The following ADAM12 variants were observed in gnomAD, a reference collection of about 807,000 sequenced individuals.
The protein encoded by ADAM12 is disintegrin and metalloproteinase domain-containing protein 12.
ADAM12 carries 70 observed loss-of-function variants against 106.4 expected under a neutral mutation model. The ratio of observed to expected loss-of-function variants is 0.66; its 90% CI spans 0.54 to 0.80. The LOEUF (loss-of-function observed/expected upper bound fraction) is 0.80, where lower values mean the gene tolerates loss of function less well. Among genes scored for constraint, ADAM12 ranks in the 30% least tolerant of loss-of-function variants. The pLI, the probability that ADAM12 is intolerant of heterozygous loss-of-function variation, is 0.00. For missense variants in ADAM12, 1,010 were observed against 1,171.9 expected (o/e 0.86, Z 2.02); for synonymous variants, 420 against 433.5 (o/e 0.97, Z 0.39).
chr10:126,107,988 C>T (rs997865665), intron 8 of ADAM12, among the ~76,000 whole-genome samples: 2 of 152,100 alleles, frequency 1.3e-5, no homozygotes, highest in Non-Finnish European at 2.9e-5. Context: ...GAACAAGTAC[C>T]CCAGGAGTAG....
At chr10:126,133,660 G>T in intron 5 of ADAM12, among the ~76,000 whole-genome samples, 1 of 152,138 alleles carries the variant, frequency 6.6e-6, no homozygotes, top group East Asian at 1.9e-4. Flanking sequence ...CACTGGGGGG[G>T]AGGCCAAAGG....
intron 3 of ADAM12, among the ~76,000 whole-genome samples, chr10:126,261,502 G>A (rs536822740): frequency 5.2e-4 from 79 of 152,230 alleles, no homozygotes; most frequent in African/African-American, 1.9e-3. Flanking sequence ...ACCCTATAGT[G>A]AGTATTTGTT....
intron 3 of ADAM12, among the ~76,000 whole-genome samples, chr10:126,163,679 G>A (rs916813930): frequency 6.6e-5 from 10 of 152,206 alleles, no homozygotes; most frequent in Middle Eastern, 3.4e-3. Context: ...GAAACCCCCC[G>A]GCCCCAGAAG....
chr10:126,071,556 ACT>A lies in ADAM12; in HGVS notation c.1242_1243del (p.Glu414AspfsTer22), dbSNP rs775947854. On this transcript the variant is annotated frameshift_variant, in exon 12 of 23. Transcript: ENST00000448723. LOFTEE classifies it high-confidence loss of function. ...CTTCTGGCCCCCGAAAGACTCCCTGACTTCCGGCAGGTTAAACAGGCACACCC... is the reference window on the plus strand; with the variant it reads ...CTTCTGGCCCCCGAAAGACTCCCTGATCCGGCAGGTTAAACAGGCACACCC... 6.2e-7 allele frequency: 1 copy of A among 1,614,076 alleles called. No individual in the cohort carries two copies. Among genetic ancestry groups the A allele is most frequent in the Middle Eastern group, 1.6e-4 (1 of 6,062 alleles).
chr10:126,243,484 A>T (rs10901571), intron 3 of ADAM12, among the ~76,000 whole-genome samples: 82,891 of 137,080 alleles, frequency 0.6, 23,325 homozygotes, highest in South Asian at 0.72. Context: ...TGTGTGTGTG[A>T]GTGTATGTGT....
chr10:126,231,172 T>A (rs754478646), intron 3 of ADAM12, among the ~76,000 whole-genome samples: 2 of 152,232 alleles, frequency 1.3e-5, no homozygotes, highest in Non-Finnish European at 2.9e-5. Flanking sequence ...GTTTTAAAAA[T>A]GATTTCTTCA....
Position 126,324,475 on chromosome 10 carries a change from C to T in ADAM12, c.186+5937G>A, listed in dbSNP as rs567915519. Among the ~76,000 whole-genome samples the T allele has an allele frequency of 6.6e-5, 10 of 152,256 alleles. No individual in the cohort carries two copies. In the East Asian group the frequency reaches 1.9e-3, roughly 29 times the overall value. On this transcript the variant is annotated intron_variant, in intron 2 of 22. Transcript: ENST00000448723. ...GTCCCATGGGCATCATGCTAAGAAG[C>T]CTGGCTTTGAATTCAGGTGTCATCC...
intron 11 of ADAM12, among the ~76,000 whole-genome samples, chr10:126,075,160 G>C (rs139068829): frequency 6.6e-6 from 1 of 152,168 alleles, no homozygotes; most frequent in African/African-American, 2.4e-5. Flanking sequence ...TATTGTTCAA[G>C]AACTTACTTT....
intron 5 of ADAM12, among the ~76,000 whole-genome samples, chr10:126,126,193 C>A (rs985327066): frequency 6.6e-6 from 1 of 152,104 alleles, no homozygotes; most frequent in African/African-American, 2.4e-5. Flanking sequence ...GGTCACTTGC[C>A]CTCATCAGAC....
rs1419643616 is a variant in ADAM12 at position 126,014,215 on chromosome 10, G to A, written c.*3064C>T. 6.6e-6 allele frequency: 1 copy of A among 152,092 alleles called. No homozygotes were observed. Among genetic ancestry groups the A allele is most frequent in the Non-Finnish European group, 1.5e-5 (1 of 68,210 alleles). 9.4% of individuals were successfully genotyped at this position (152,092 alleles called of 1,614,324 possible). A position where few individuals can be genotyped will look rare whatever the true frequency, so the allele number is the denominator to read the frequency against. On this transcript the variant is annotated 3_prime_UTR_variant, in exon 23 of 23. Coordinates refer to ENST00000448723, the MANE Select transcript of ADAM12 (RefSeq NM_001288973.2). ...GTAAACATCAGTGGCGAGGGGGCAG[G>A]AGGATGCTCAGCCCTGCCAGTCGGC... is the stretch of plus-strand genomic sequence containing the variant.
intron 3 of ADAM12, among the ~76,000 whole-genome samples, chr10:126,179,056 AAAGAAAAAAAAAAG>A (rs1160136203): frequency 6.6e-6 from 1 of 152,064 alleles, no homozygotes; most frequent in African/African-American, 2.4e-5. Context: ...TTAAAAAAAG[AAAGAAAAAAAAAAG>A]AAGAAAAAGA....
chr10:126,347,319 T>A (rs1855180292), intron 1 of ADAM12, among the ~76,000 whole-genome samples: 1 of 152,214 alleles, frequency 6.6e-6, no homozygotes, highest in Admixed American at 6.5e-5. Context: ...GGGTTGAAAA[T>A]TCTTCTCTTT....
chr10:126,123,195 C>T (rs946910042), intron 5 of ADAM12, among the ~76,000 whole-genome samples: 4 of 152,168 alleles, frequency 2.6e-5, no homozygotes, highest in African/African-American at 9.7e-5. Flanking sequence ...ACAGTGGACA[C>T]AAAATTGAAG....
intron 3 of ADAM12, among the ~76,000 whole-genome samples, chr10:126,185,739 T>C (rs1346920984): frequency 2.6e-5 from 4 of 152,008 alleles, no homozygotes; most frequent in African/African-American, 9.7e-5. Flanking sequence ...CAATGCACAG[T>C]GGCTGGAGCT....
chr10:126,132,968 T>G (rs1956335159), intron 5 of ADAM12, among the ~76,000 whole-genome samples: 1 of 152,112 alleles, frequency 6.6e-6, no homozygotes, highest in African/African-American at 2.4e-5. Context: ...TCTTTAATCC[T>G]CTACTGACCC....
chr10:126,163,548 G>T (rs1177573104), intron 3 of ADAM12, among the ~76,000 whole-genome samples: 1 of 152,172 alleles, frequency 6.6e-6, no homozygotes, highest in Non-Finnish European at 1.5e-5. Context: ...ATTGCTTTCA[G>T]ATCAATATTG....
At chr10:126,059,912 T>C (rs530148831) in intron 14 of ADAM12, among the ~76,000 whole-genome samples, 59 of 152,372 alleles carry the variant, frequency 3.9e-4, no homozygotes, top group Non-Finnish European at 6.8e-4. Context: ...GTAAAGGTCA[T>C]GTCATATTGA....
At chr10:126,101,318 T>A in intron 8 of ADAM12, 77 bp from the exon 9 acceptor site, 1 of 1,475,518 alleles carries the variant, frequency 6.8e-7, no homozygotes, top group South Asian at 1.2e-5. Context: ...TAGAACAGAT[T>A]TGCGTTATTT....
At chr10:126,306,865 G>A (rs1960867552) in intron 2 of ADAM12, among the ~76,000 whole-genome samples, 1 of 152,094 alleles carries the variant, frequency 6.6e-6, no homozygotes, top group African/African-American at 2.4e-5. Context: ...TACTCTAATT[G>A]GGGCTAAATG....
Sources: allele counts gnomAD v4.1 joint callset (sites outside exome capture counted in the v4.1 genomes callset), GRCh38; gene constraint gnomAD v4.1.1; transcripts MANE v1.5; gene names NCBI Gene and HGNC (gene_info 2026-07-23, HGNC 2026-07-21).